The following DNAH7 variants were observed in gnomAD, a reference collection of about 807,000 sequenced individuals.
DNAH7 encodes the protein dynein axonemal heavy chain 7, also known as axonemal beta dynein heavy chain 7.
In DNAH7, 397 loss-of-function variants were observed where a neutral mutation model predicts 444.6. The ratio of observed to expected loss-of-function variants is 0.89; its 90% CI spans 0.82 to 0.97. The LOEUF (loss-of-function observed/expected upper bound fraction) is 0.97. Among genes scored for constraint, DNAH7 ranks in the 50% least tolerant of loss-of-function variants. The probability of loss-of-function intolerance (pLI) is 0.00; values close to 1 mark genes in which losing one functional copy is unlikely to be tolerated. For missense variants in DNAH7, 4,902 were observed against 4,800.8 expected (o/e 1.02, Z -0.62); for synonymous variants, 1,636 against 1,624.4 (o/e 1.01, Z -0.17).
chr2:196,047,405 T>A lies in DNAH7; in HGVS notation c.345A>T (p.Lys115Asn). ...VGPSTSKSKG[K>N]SPHKERENFR... ...AGTTTTCTCGTTCTTTATGTGGAGA[T>A]TTGCCCTTTGATTTGGAAGTAGATG... Residue 115 changes from lysine to asparagine, a missense_variant, in exon 5 of 65, where the codon AAA becomes AAT. Transcript: ENST00000312428. 1 of 1,604,254 alleles carries A rather than the reference T, an allele frequency of 6.2e-7. No homozygotes were observed. The highest frequency in any genetic ancestry group is 8.5e-7 in the Non-Finnish European group (1 of 1,174,526).
At chr2:195,782,016 C>G (rs1162998688) in intron 58 of DNAH7, among the ~76,000 whole-genome samples, 3 of 141,266 alleles carry the variant, frequency 2.1e-5, no homozygotes, top group African/African-American at 8.7e-5. Context: ...CACACACACA[C>G]AGACACACCC....
chr2:195,771,040 G>C (rs1170668131), intron 61 of DNAH7, among the ~76,000 whole-genome samples: 1 of 151,974 alleles, frequency 6.6e-6, no homozygotes, highest in African/African-American at 2.4e-5. Flanking sequence ...GTGAGCCTGG[G>C]CCAGGAGTTG....
Position 195,881,864 on chromosome 2 carries a change from C to T in DNAH7, c.5892G>A (p.Leu1964=), listed in dbSNP as rs771212440. 5.6e-6 allele frequency: 9 copies of T among 1,613,910 alleles called. No homozygotes were observed. Among genetic ancestry groups the T allele is most frequent in the Admixed American group, 1.7e-5 (1 of 60,008 alleles). ...TTGAAGGCTTTTGATGGGTGGTCAG[C>T]AATTCCATTAATGCAGAGTATCGAA... is the stretch of plus-strand genomic sequence containing the variant. ...DTIRYSALME[L]LTTHQKPSIF... The change falls in exon 36 of 65, where the codon TTG becomes TTA. Residue 1964 remains leucine (L), a synonymous_variant. Transcript: ENST00000312428.
At chr2:195,849,701 A>G (rs1320673428) in intron 46 of DNAH7, among the ~76,000 whole-genome samples, 17 of 152,098 alleles carry the variant, frequency 1.1e-4, no homozygotes, top group Non-Finnish European at 7.3e-5. Context: ...CCTGGGCTCA[A>G]GCAATCCACC....
At chr2:195,930,127 G>T (rs1040178563) in intron 21 of DNAH7, among the ~76,000 whole-genome samples, 4 of 152,082 alleles carry the variant, frequency 2.6e-5, no homozygotes, top group African/African-American at 9.7e-5. Flanking sequence ...GGTGGATCAC[G>T]AGGTCAAGAG....
intron 24 of DNAH7, among the ~76,000 whole-genome samples, chr2:195,921,849 G>A (rs919584901): frequency 6.6e-6 from 1 of 151,420 alleles, no homozygotes; most frequent in African/African-American, 2.4e-5. Context: ...AGAAAGGAGG[G>A]ATGGACAGCG....
intron 58 of DNAH7, among the ~76,000 whole-genome samples, chr2:195,782,184 T>C (rs1695422072): frequency 6.6e-6 from 1 of 152,222 alleles, no homozygotes. Context: ...AAATAACCAA[T>C]TATTCTAACT....
intron 40 of DNAH7, 116 bp downstream of exon 40, chr2:195,872,134 C>A: frequency 1.2e-6 from 1 of 832,286 alleles, no homozygotes; most frequent in South Asian, 2.1e-5. Context: ...TTCAAAATGC[C>A]AAATAACTGA....
chr2:195,756,286 C>G lies in DNAH7; in HGVS notation c.11434-1G>C, dbSNP rs754161080. 4.4e-6 allele frequency: 7 copies of G among 1,602,744 alleles called. No homozygotes were observed. In the South Asian group the frequency reaches 6.7e-5, roughly 15 times the overall value. On this transcript the variant is annotated splice_acceptor_variant, in intron 61 of 64. Transcript: ENST00000312428. LOFTEE classifies it high-confidence loss of function. ...GATCTGTAGACATGACTGCAAGCCC[C>G]TGAAACACATTTAACCTTGGTTAAT...
At chr2:195,974,499 C>G (rs888758096) in intron 15 of DNAH7, among the ~76,000 whole-genome samples, 18 of 152,068 alleles carry the variant, frequency 1.2e-4, no homozygotes, top group African/African-American at 4.3e-4. Context: ...CTATTATGTA[C>G]AGTAGAAATT....
chr2:196,051,286 T>C (rs1300935463), intron 2 of DNAH7, 37 bp from the exon 3 acceptor site: 2 of 1,561,106 alleles, frequency 1.3e-6, no homozygotes, highest in African/African-American at 2.7e-5. Context: ...AAGTGTTTAC[T>C]CTGTTAGTGC....
chr2:195,848,373 AAT>A (rs1438263311), intron 46 of DNAH7, among the ~76,000 whole-genome samples: 20 of 152,226 alleles, frequency 1.3e-4, no homozygotes, highest in African/African-American at 4.1e-4. Context: ...ATGTCACAGA[AAT>A]CATGTGCTCT....
At chr2:195,779,992 T>G (rs960274211) in intron 58 of DNAH7, among the ~76,000 whole-genome samples, 19 of 152,212 alleles carry the variant, frequency 1.2e-4, no homozygotes, top group African/African-American at 4.1e-4. Flanking sequence ...TTTTTTCTAC[T>G]TAGTTTTAAA....
intron 31 of DNAH7, among the ~76,000 whole-genome samples, chr2:195,890,898 T>C (rs747220692): frequency 4.6e-5 from 7 of 152,206 alleles, no homozygotes; most frequent in Non-Finnish European, 1.0e-4. Context: ...AAAACACTTA[T>C]AAAAAGAATG....
intron 56 of DNAH7, among the ~76,000 whole-genome samples, chr2:195,795,647 T>C (rs932714827): frequency 1.3e-5 from 2 of 152,092 alleles, no homozygotes; most frequent in African/African-American, 4.8e-5. Flanking sequence ...GTAGGTCATG[T>C]TGGGGGTTTG....
chr2:195,899,260 C>G (rs1434704310), intron 28 of DNAH7, among the ~76,000 whole-genome samples: 1 of 152,168 alleles, frequency 6.6e-6, no homozygotes, highest in Non-Finnish European at 1.5e-5. Context: ...TAGAAACAAG[C>G]TTCAAAATAT....
Position 195,999,468 on chromosome 2 carries a change from T to C in DNAH7, c.1353+1236A>G, listed in dbSNP as rs190180482. Among the ~76,000 whole-genome samples, 228 of 152,258 alleles carry C rather than the reference T, an allele frequency of 1.5e-3. 1 individual carries two copies. The highest frequency in any genetic ancestry group is 5.0e-3 in the African/African-American group (209 of 41,542). On this transcript the variant is annotated intron_variant, in intron 12 of 64. Coordinates refer to ENST00000312428, the MANE Select transcript of DNAH7 (RefSeq NM_018897.3). ...CTTAAACCAAGTCCTCAAAGACTTT[T>C]TTCATAAACTTCTTACAAGCCTAAG...
Position 195,858,745 on chromosome 2 carries a change from GAAGCAGA to G in DNAH7, c.7789_7795del (p.Ser2597HisfsTer4). 6.2e-7 allele frequency: 1 copy of G among 1,613,884 alleles called. No individual in the cohort carries two copies. The highest frequency in any genetic ancestry group is 1.1e-5 in the South Asian group (1 of 91,042). On this transcript the variant is annotated frameshift_variant, in exon 43 of 65. Coordinates refer to ENST00000312428, the MANE Select transcript of DNAH7 (RefSeq NM_018897.3). LOFTEE classifies it high-confidence loss of function. ...CATCTGCATTGTGGCTACTTGAGAT[GAAGCAGA>G]ATCCAGTTTCTCCAAACCCACTTCA...
intron 12 of DNAH7, 28 bp from the exon 13 acceptor site, chr2:195,988,257 T>C (rs770107515): frequency 3.3e-6 from 5 of 1,529,414 alleles, no homozygotes; most frequent in Non-Finnish European, 4.4e-6. Flanking sequence ...AATAATAGTA[T>C]TTAAAATATC....
Sources: gnomAD v4.1 joint callset for allele counts (sites outside exome capture counted in the v4.1 genomes callset) on GRCh38, gnomAD v4.1.1 for gene constraint, MANE v1.5 for transcripts, NCBI Gene and HGNC (gene_info 2026-07-23, HGNC 2026-07-21) for gene names.